Variants in FANCI observed in about 807,000 individuals in gnomAD.
FANCI encodes Fanconi anemia group I protein.
In FANCI, 156 loss-of-function variants were observed where a neutral mutation model predicts 176.1. The observed-to-expected ratio is 0.89, with a 90% CI of 0.78 to 1.01. The LOEUF (loss-of-function observed/expected upper bound fraction) is 1.01, where lower values mean the gene tolerates loss of function less well. FANCI is among the 50% of genes least tolerant of loss of function. The probability of loss-of-function intolerance (pLI) is 0.00; values close to 1 mark genes in which losing one functional copy is unlikely to be tolerated. For missense variants in FANCI, 1,678 were observed against 1,534.1 expected, an observed-to-expected ratio of 1.09 and a Z score of -1.57; for synonymous variants, 613 against 541.7, an observed-to-expected ratio of 1.13 and a Z score of -1.83.
intron 2 of FANCI, among the ~76,000 whole-genome samples, chr15:89,253,355 A>G (rs1291007668): frequency 6.6e-6 from 1 of 152,048 alleles, no homozygotes; most frequent in Non-Finnish European, 1.5e-5. Context: ...AACAAATCTA[A>G]ATAAATGTTA....
At chr15:89,294,043 C>A in intron 23 of FANCI, 46 bp downstream of exon 23, 1 of 1,594,698 alleles carries the variant, frequency 6.3e-7, no homozygotes. Context: ...CCCTGAGGAT[C>A]GTATACCTAC....
chr15:89,289,901 A>C (rs2053994580), intron 18 of FANCI, among the ~76,000 whole-genome samples: 1 of 151,962 alleles, frequency 6.6e-6, no homozygotes, highest in South Asian at 2.1e-4. Flanking sequence ...TGTGTTGGCC[A>C]GGCTGGTCTC....
chr15:89,315,807 T>C (rs577092120), intron 37 of FANCI, among the ~76,000 whole-genome samples: 50 of 152,324 alleles, frequency 3.3e-4, no homozygotes, highest in African/African-American at 1.1e-3. Flanking sequence ...CCTTTTCCCT[T>C]GTGGTTTGTT....
intron 22 of FANCI, among the ~76,000 whole-genome samples, chr15:89,293,330 T>G (rs2054134857): frequency 6.6e-6 from 1 of 152,226 alleles, no homozygotes; most frequent in South Asian, 2.1e-4. Flanking sequence ...CTCCTAATTT[T>G]AACATGGAAA....
At chr15:89,261,511 G>A in intron 4 of FANCI, 74 bp from the exon 5 acceptor site, 1 of 1,578,646 alleles carries the variant, frequency 6.3e-7, no homozygotes, top group African/African-American at 1.3e-5. Context: ...TTCAGCAAAA[G>A]ACTTTATTTC....
At chr15:89,303,676 T>C (rs1238211813) in intron 27 of FANCI, among the ~76,000 whole-genome samples, 188 bp from the exon 28 acceptor site, 2 of 152,212 alleles carry the variant, frequency 1.3e-5, no homozygotes, top group Non-Finnish European at 2.9e-5. Context: ...TTATATATTA[T>C]TCTCATAATT....
Position 89,301,397 on chromosome 15 carries a change from G to C in FANCI, c.2961G>C (p.Thr987=), listed in dbSNP as rs144736769. Residue 987 remains threonine, a synonymous_variant, in exon 27 of 38, where the codon ACG becomes ACC. Coordinates refer to ENST00000310775, the MANE Select transcript of FANCI (RefSeq NM_001113378.2). ...FNSKEALLLV[T]VLTSLSKLLE... ...GCAAAGAAGCCCTCCTGCTAGTCAC[G>C]GTTCTTACCAGTTTGTCCAAGTTAC... 2 of 1,613,742 alleles carry C rather than the reference G, an allele frequency of 1.2e-6. No homozygotes were observed. Among genetic ancestry groups the C allele is most frequent in the South Asian group, 1.1e-5 (1 of 91,082 alleles).
intron 34 of FANCI, among the ~76,000 whole-genome samples, chr15:89,310,771 G>A (rs2054922732): frequency 6.6e-6 from 1 of 152,154 alleles, no homozygotes; most frequent in African/African-American, 2.4e-5. Context: ...TGGGAAGAAA[G>A]CAACGAAAAC....
rs1477247233 is a variant in FANCI, at chr15:89,308,043, G to T, written c.3651+371G>T. 12 of 1,171,090 alleles carry T rather than the reference G, an allele frequency of 1.0e-5. No individual in the cohort carries two copies. The African/African-American group carries it at 1.7e-4, about 17-fold the overall frequency. The allele number at this position is 1,171,090 out of a possible 1,614,324, so 72.5% of individuals were successfully genotyped here. ...AGCACATGAAGAAGGGTTGTGATGA[G>T]ACGGCAGTGCAGTGAGGGCACTTTC... is the stretch of plus-strand genomic sequence containing the variant. On this transcript the variant is annotated intron_variant, in intron 34 of 37. Transcript: ENST00000310775.
At chr15:89,244,910 C>T (rs2051877222) in intron 1 of FANCI, among the ~76,000 whole-genome samples, 1 of 152,100 alleles carries the variant, frequency 6.6e-6, no homozygotes, top group Non-Finnish European at 1.5e-5. Flanking sequence ...TATAGGGGTT[C>T]AATAATTTGT....
At chr15:89,309,825 GAAT>G (rs1186115102) in intron 34 of FANCI, among the ~76,000 whole-genome samples, 15 of 152,222 alleles carry the variant, frequency 9.9e-5, no homozygotes. Context: ...CTATTTGGCA[GAAT>G]AATGTTCCAT....
chr15:89,304,145 A>G (rs988611189), intron 28 of FANCI, among the ~76,000 whole-genome samples: 4 of 152,238 alleles, frequency 2.6e-5, no homozygotes, highest in African/African-American at 9.6e-5. Context: ...AAAACTGTTC[A>G]GCAATATCTA....
In FANCI at chr15:89,281,922, G is replaced by A. The variant is rs16942952; in HGVS notation, c.1583+87G>A. ...TCTCTGCCATCTCCTAGTACCACCT[G>A]TTCACAGTGATCATGAGAATTCCTA... is the stretch of plus-strand genomic sequence containing the variant. On this transcript the variant is annotated intron_variant, in intron 16 of 37. Transcript: ENST00000310775. 1.0e-2 allele frequency: 11,904 copies of A among 1,193,474 alleles called. 746 individuals carry two copies. In the African/African-American group the frequency reaches 0.15, roughly 15 times the overall value. The allele number at this position is 1,193,474 out of a possible 1,614,324, so 73.9% of individuals were successfully genotyped here.
chr15:89,314,501 A>C (rs951994960), intron 35 of FANCI, 111 bp from the exon 36 acceptor site: 6 of 818,816 alleles, frequency 7.3e-6, no homozygotes, highest in Non-Finnish European at 1.2e-5. Context: ...TTTGATTGGG[A>C]GACAGACTAG....
rs118138806 is a variant in FANCI at position 89,291,615 on chromosome 15, A to C, written c.1893A>C (p.Leu631Phe). The C allele has an allele frequency of 5.3e-4, 848 of 1,613,098 alleles. 9 individuals are homozygous for C. In the East Asian group the frequency reaches 0.017, roughly 33 times the overall value. The part of the protein sequence containing the change: ...NSVMQTLLSQ[L>F]KQFYEPKPDL... The stretch of plus-strand genomic sequence containing the variant: ...CTTTTTTTTCTTACTATACACAGTT[A>C]AAACAGTTCTATGAGCCAAAACCTG... Residue 631 changes from leucine to phenylalanine, a missense_variant and splice_region_variant, in exon 20 of 38, where the codon TTA becomes TTC. Physicochemically the swap from Leu to Phe is conservative, Grantham distance 22 (BLOSUM62 0). This residue lies in a region of FANCI where 1,204 missense variants were observed against 1,077.4 expected (regional missense o/e 1.12). Transcript: ENST00000310775.
In FANCI at chr15:89,294,930, C is replaced by T; in HGVS notation, c.2472C>T (p.Ser824=). Residue 824 remains serine (S), a synonymous_variant, in exon 24 of 38, where the codon AGC becomes AGT. Transcript: ENST00000310775. ...LTALFRDSIQ[S]HQESLSVLRS... is the part of the protein sequence containing the mutation. ...CTCTCTCTAGGGATAGTATCCAAAG[C>T]CACCAAGAAAGCCTTTCTGTTCTCA... 1.9e-6 allele frequency: 3 copies of T among 1,552,198 alleles called. No homozygotes were observed. In the South Asian group the frequency reaches 3.6e-5, roughly 18 times the overall value.
At position 89,295,738 on chromosome 15, in the gene FANCI, C is replaced by CA. The variant is rs1464591939; in HGVS notation, c.2636+644_2636+645insA. Among the ~76,000 whole-genome samples the CA allele has an allele frequency of 4.8e-5, 7 of 145,280 alleles. No individual in the cohort carries two copies. In the East Asian group the frequency reaches 1.2e-3, roughly 26 times the overall value. ...AGTCTTGCCTTCCCCTGGCGCCCCC[C>CA]CCACCTTTTTTTTTTTGTTGTTGTT... On this transcript the variant is annotated intron_variant, in intron 24 of 37. Coordinates refer to ENST00000310775, the MANE Select transcript of FANCI (RefSeq NM_001113378.2).
intron 11 of FANCI, 66 bp from the exon 12 acceptor site, chr15:89,274,102 A>C (rs755034376): frequency 3.3e-6 from 4 of 1,222,320 alleles, no homozygotes; most frequent in African/African-American, 1.5e-5. Context: ...TATTTCTTTC[A>C]TTCTGTTAGG....
intron 2 of FANCI, among the ~76,000 whole-genome samples, chr15:89,258,441 T>C (rs1261946019): frequency 6.6e-6 from 1 of 152,180 alleles, no homozygotes; most frequent in African/African-American, 2.4e-5. Flanking sequence ...CAAAAAGTAT[T>C]TGTTGGATGA....
Sources: gnomAD v4.1 joint callset for allele counts (sites outside exome capture counted in the v4.1 genomes callset) on GRCh38, gnomAD v4.1.1 for gene constraint, gnomAD v4.1.1 regional missense constraint, MANE v1.5 for transcripts, NCBI Gene and HGNC (gene_info 2026-07-23, HGNC 2026-07-21) for gene names.